The following CNTNAP2 variants were observed in gnomAD, a reference collection of about 807,000 sequenced individuals.
CNTNAP2 encodes the protein contactin-associated protein-like 2.
A neutral mutation model predicts 155.2 loss-of-function variants in CNTNAP2; 98 were observed. The observed-to-expected ratio is 0.63, with a 90% CI of 0.54 to 0.75. The LOEUF (loss-of-function observed/expected upper bound fraction) is 0.75. Ranked by LOEUF, CNTNAP2 falls within the 30% of genes least tolerant of loss-of-function variation. The probability of loss-of-function intolerance (pLI) is 0.00; values close to 1 mark genes in which losing one functional copy is unlikely to be tolerated. For missense variants in CNTNAP2, 1,727 were observed against 1,688.1 expected (o/e 1.02, Z -0.40); for synonymous variants, 651 against 631.2 (o/e 1.03, Z -0.47).
intron 8 of CNTNAP2, among the ~76,000 whole-genome samples, chr7:147,255,734 C>CTATG (rs748131502): frequency 3.3e-5 from 5 of 151,780 alleles, no homozygotes; most frequent in Non-Finnish European, 5.9e-5. Flanking sequence ...TATTTTATTT[C>CTATG]TATGTTTGTT....
intron 13 of CNTNAP2, among the ~76,000 whole-genome samples, chr7:147,690,714 T>C (rs1171637644): frequency 1.3e-5 from 2 of 152,142 alleles, no homozygotes; most frequent in Non-Finnish European, 2.9e-5. Flanking sequence ...TTTCTTTTGA[T>C]AAATTAGAAT....
At chr7:148,137,679 A>AGGAAGGAAGGAAGGAT (rs1563211686) in intron 16 of CNTNAP2, among the ~76,000 whole-genome samples, 10 of 93,466 alleles carry the variant, frequency 1.1e-4, no homozygotes, top group African/African-American at 4.0e-4. Context: ...AAAGGAAGGA[A>AGGAAGGAAGGAAGGAT]GGAAGGAAGG....
chr7:147,958,269 A>G (rs906900467), intron 14 of CNTNAP2, among the ~76,000 whole-genome samples: 7 of 152,194 alleles, frequency 4.6e-5, no homozygotes. Flanking sequence ...CCAAAAAATG[A>G]ATACTTACGT....
intron 15 of CNTNAP2, among the ~76,000 whole-genome samples, chr7:148,103,201 T>A (rs1311401274): frequency 7.1e-6 from 1 of 141,640 alleles, no homozygotes; most frequent in African/African-American, 2.8e-5. Context: ...GAGGGAGGTA[T>A]GTAGCTTTTT....
intron 8 of CNTNAP2, among the ~76,000 whole-genome samples, chr7:147,262,577 G>A (rs1298647540): frequency 6.6e-6 from 1 of 152,136 alleles, no homozygotes; most frequent in Non-Finnish European, 1.5e-5. Flanking sequence ...GGCCGAGGTG[G>A]GCGGATCACG....
chr7:147,830,312 T>C (rs2116634172), intron 13 of CNTNAP2, among the ~76,000 whole-genome samples: 1 of 152,208 alleles, frequency 6.6e-6, no homozygotes, highest in East Asian at 1.9e-4. Context: ...TAGATGGCTC[T>C]TTCTAGCTGT....
chr7:146,297,320 C>T (rs1366004845), intron 1 of CNTNAP2, among the ~76,000 whole-genome samples: 2 of 151,844 alleles, frequency 1.3e-5, no homozygotes, highest in African/African-American at 4.8e-5. Flanking sequence ...ATATCAAGAG[C>T]ATTAAGTTTT....
intron 10 of CNTNAP2, among the ~76,000 whole-genome samples, chr7:147,443,259 G>A (rs1797674459): frequency 6.6e-6 from 1 of 152,146 alleles, no homozygotes. Flanking sequence ...ATGGGTGGGT[G>A]TCAGCGGAGT....
At chr7:146,694,815 G>A (rs1800754997) in intron 1 of CNTNAP2, among the ~76,000 whole-genome samples, 1 of 151,852 alleles carries the variant, frequency 6.6e-6, no homozygotes, top group Non-Finnish European at 1.5e-5. Flanking sequence ...TACATATTTT[G>A]TCGGCCTTAT....
chr7:147,057,607 A>G (rs1366416991), intron 4 of CNTNAP2, among the ~76,000 whole-genome samples: 2 of 152,262 alleles, frequency 1.3e-5, no homozygotes, highest in African/African-American at 4.8e-5. Flanking sequence ...TACCCATTCA[A>G]TACTAGAAGT....
chr7:147,715,831 TG>T (rs1796475118), intron 13 of CNTNAP2, among the ~76,000 whole-genome samples: 1 of 152,232 alleles, frequency 6.6e-6, no homozygotes, highest in Non-Finnish European at 1.5e-5. Flanking sequence ...TTTTGTAAGC[TG>T]CGCACTTACA....
chr7:147,977,954 A>G lies in CNTNAP2; in HGVS notation c.2348A>G (p.Lys783Arg), dbSNP rs1198403790. ...ACTGACCGTCAAGGCTCAGAAGCCA[A>G]ATTGAGCGTAGGTCCTCTGCGCTGC... ...GDTDRQGSEA[K>R]LSVGPLRCQG... The change falls in exon 15 of 24, where the codon AAA (lysine) becomes AGA (arginine). Residue 783 changes from lysine to arginine, a missense_variant. Transcript: ENST00000361727. 1 of 1,613,996 alleles carries G rather than the reference A, an allele frequency of 6.2e-7. No individual in the cohort carries two copies. Among genetic ancestry groups the G allele is most frequent in the African/African-American group, 1.3e-5 (1 of 74,904 alleles).
intron 17 of CNTNAP2, among the ~76,000 whole-genome samples, chr7:148,158,358 G>A (rs1040804988): frequency 6.7e-6 from 1 of 150,224 alleles, no homozygotes; most frequent in African/African-American, 2.5e-5. Flanking sequence ...AGGTAGCTGG[G>A]ACTACAGGCA....
intron 16 of CNTNAP2, among the ~76,000 whole-genome samples, chr7:148,122,295 C>G (rs1804614035): frequency 6.6e-6 from 1 of 152,162 alleles, no homozygotes; most frequent in Non-Finnish European, 1.5e-5. Context: ...CCTCACAGAA[C>G]AGATAGCAAG....
At position 147,232,093 on chromosome 7, in the gene CNTNAP2, C is replaced by G. The variant is rs563218071; in HGVS notation, c.1349-68048C>G. On this transcript the variant is annotated intron_variant, in intron 8 of 23. Coordinates refer to ENST00000361727, the MANE Select transcript of CNTNAP2 (RefSeq NM_014141.6). The stretch of plus-strand genomic sequence containing the variant: ...TTTATAATAGATAGCATTAAAAGAA[C>G]AAGAGACTTAGGAATACATTTATCC... 2.0e-5 allele frequency among the ~76,000 whole-genome samples: 3 copies of G among 152,164 alleles called. No homozygotes were observed. The South Asian group carries it at 6.2e-4, about 32-fold the overall frequency.
At chr7:147,171,263 C>T (rs1165683928) in intron 8 of CNTNAP2, among the ~76,000 whole-genome samples, 1 of 152,200 alleles carries the variant, frequency 6.6e-6, no homozygotes, top group Non-Finnish European at 1.5e-5. Flanking sequence ...TTGCTTCAGC[C>T]TTAGCATCTG....
intron 3 of CNTNAP2, among the ~76,000 whole-genome samples, chr7:146,905,647 T>C (rs1796105076): frequency 1.3e-5 from 2 of 152,216 alleles, no homozygotes; most frequent in Admixed American, 1.3e-4. Flanking sequence ...AAACAACTTT[T>C]CTTTGTAGCT....
At chr7:147,973,576 G>A (rs1253538646) in intron 14 of CNTNAP2, among the ~76,000 whole-genome samples, 2 of 152,042 alleles carry the variant, frequency 1.3e-5, no homozygotes, top group African/African-American at 4.8e-5. Flanking sequence ...ATAGATTAGG[G>A]GTAAATGTGA....
At chr7:146,708,316 C>T (rs1336872044) in intron 1 of CNTNAP2, among the ~76,000 whole-genome samples, 3 of 151,930 alleles carry the variant, frequency 2.0e-5, no homozygotes, top group African/African-American at 4.8e-5. Flanking sequence ...TAACAAATTA[C>T]TTAGTATATA....
Sources: allele counts gnomAD v4.1 joint callset (sites outside exome capture counted in the v4.1 genomes callset), GRCh38; gene constraint gnomAD v4.1.1; transcripts MANE v1.5; gene names NCBI Gene and HGNC (gene_info 2026-07-23, HGNC 2026-07-21).